ANKS1A: variants seen among roughly 807,000 people sequenced by gnomAD.
The protein encoded by ANKS1A is ankyrin repeat and sterile alpha motif domain containing 1A.
ANKS1A carries 55 observed loss-of-function variants against 120.3 expected under a neutral mutation model. That is an observed-to-expected ratio of 0.46 (90% CI 0.37 to 0.57). The LOEUF (loss-of-function observed/expected upper bound fraction) is 0.57. Ranked by LOEUF, ANKS1A falls within the 20% of genes least tolerant of loss-of-function variation. The pLI is 0.00. For missense variants in ANKS1A, 1,123 were observed against 1,480.3 expected (o/e 0.76, Z 3.96); for synonymous variants, 590 against 604.7 (o/e 0.98, Z 0.36).
At chr6:34,897,921 A>G (rs894939409) in intron 1 of ANKS1A, among the ~76,000 whole-genome samples, 5 of 152,210 alleles carry the variant, frequency 3.3e-5, no homozygotes, top group East Asian at 1.9e-4. Flanking sequence ...TATGGTGGCT[A>G]AGGATCAGGT....
intron 1 of ANKS1A, among the ~76,000 whole-genome samples, chr6:34,918,250 G>A (rs1768268508): frequency 6.6e-6 from 1 of 152,196 alleles, no homozygotes; most frequent in Non-Finnish European, 1.5e-5. Context: ...AGTCGTGTGT[G>A]TAGTGGTTCG....
At chr6:34,980,207 G>A (rs559485032) in intron 3 of ANKS1A, among the ~76,000 whole-genome samples, 7 of 152,378 alleles carry the variant, frequency 4.6e-5, no homozygotes, top group East Asian at 1.9e-4. Context: ...TCTGGCCAGC[G>A]AAGGCTGTTG....
intron 1 of ANKS1A, among the ~76,000 whole-genome samples, chr6:34,931,847 A>G (rs9394259): frequency 0.088 from 13,366 of 152,338 alleles, 766 homozygotes; most frequent in East Asian, 0.34. Flanking sequence ...GAGAGCTAAA[A>G]GGCAGGAAAG....
intron 1 of ANKS1A, among the ~76,000 whole-genome samples, chr6:34,892,829 T>C (rs1223297199): frequency 6.6e-6 from 1 of 152,228 alleles, no homozygotes; most frequent in African/African-American, 2.4e-5. Flanking sequence ...TGTTTACATA[T>C]AGCAACCCTC....
At chr6:35,001,895 ATC>A (rs1209459518) in intron 10 of ANKS1A, among the ~76,000 whole-genome samples, 1 of 152,210 alleles carries the variant, frequency 6.6e-6, no homozygotes, top group East Asian at 1.9e-4. Flanking sequence ...CCAGTGGCCT[ATC>A]TCTCAAAAGA....
rs191459745 is a variant in ANKS1A, at chr6:34,931,368, G to A, written c.198-35871G>A. ...TCACTATGTTGGCCAGGCTGATCTC[G>A]AACTCCTGACCTCAGGTGATCCACC... On this transcript the variant is annotated intron_variant, in intron 1 of 23. Transcript: ENST00000360359. 3.1e-4 allele frequency among the ~76,000 whole-genome samples: 47 copies of A among 152,096 alleles called. No individual in the cohort carries two copies. In the East Asian group the frequency reaches 7.5e-3, roughly 24 times the overall value.
intron 10 of ANKS1A, among the ~76,000 whole-genome samples, chr6:35,006,446 C>T (rs1773461657): frequency 6.6e-6 from 1 of 152,008 alleles, no homozygotes. Context: ...AATTATTCCT[C>T]ATTGTATGCT....
chr6:35,049,690 C>A (rs962858801), intron 11 of ANKS1A, among the ~76,000 whole-genome samples: 1 of 152,208 alleles, frequency 6.6e-6, no homozygotes. Flanking sequence ...ATAGAAACTT[C>A]TCTCGTGCTC....
In ANKS1A at chr6:34,981,723, G is replaced by A; in HGVS notation, c.469G>A (p.Ala157Thr). The A allele has an allele frequency of 1.2e-6, 2 of 1,614,200 alleles. No individual in the cohort carries two copies. Among genetic ancestry groups the A allele is most frequent in the Non-Finnish European group, 1.7e-6 (2 of 1,180,038 alleles). ...CAACGAGACAGCCCTGCATTGTGCA[G>A]CGCAGTATGGCCACACAGAGGTGGT... ...NDNETALHCA[A>T]QYGHTEVVKV... is the part of the protein sequence containing the mutation. Residue 157 changes from alanine to threonine, a missense_variant, in exon 4 of 24, where the codon GCG (alanine) becomes ACG (threonine). Physicochemically the swap from Ala to Thr is moderately conservative, Grantham distance 58. This residue lies in a region of ANKS1A where 146 missense variants were observed against 267.8 expected (regional missense o/e 0.55). Coordinates refer to ENST00000360359, the MANE Select transcript of ANKS1A (RefSeq NM_015245.3).
chr6:35,058,102 T>G lies in ANKS1A; in HGVS notation c.2078-2045T>G, dbSNP rs1221236547. Reference sequence around the variant, plus strand: ...CCTCAGCAGCCACAGCAGCAGTTGCTTCTGCTCCGATGTGATGTCCGATCC... The same window carrying G: ...CCTCAGCAGCCACAGCAGCAGTTGCGTCTGCTCCGATGTGATGTCCGATCC... On this transcript the variant is annotated intron_variant, in intron 12 of 23. Coordinates refer to ENST00000360359, the MANE Select transcript of ANKS1A (RefSeq NM_015245.3). This position sits in a 1 kb window ranked among gnomAD's most constrained non-coding sequence, Gnocchi z 5.1. 6.6e-6 allele frequency: 1 copy of G among 152,366 alleles called. No homozygotes were observed. Among genetic ancestry groups the G allele is most frequent in the Non-Finnish European group, 1.5e-5 (1 of 68,080 alleles). The allele number at this position is 152,366 out of a possible 1,614,324, so 9.4% of individuals were successfully genotyped here. A position where few individuals can be genotyped will look rare whatever the true frequency, so the allele number is the denominator to read the frequency against.
intron 1 of ANKS1A, among the ~76,000 whole-genome samples, 153 bp from the exon 2 acceptor site, chr6:34,967,086 T>C (rs747155517): frequency 3.9e-5 from 6 of 152,242 alleles, no homozygotes; most frequent in South Asian, 2.1e-4. Flanking sequence ...CTGCAGTGTA[T>C]AGCTGCTGTG....
chr6:35,092,288 C>A (rs781732005), downstream of ANKS1A, among the ~76,000 whole-genome samples: 2 of 152,096 alleles, frequency 1.3e-5, no homozygotes, highest in Non-Finnish European at 2.9e-5. Context: ...TGGACGCTTC[C>A]GTTTCTTAAA....
Position 34,970,054 on chromosome 6 carries a change from T to C in ANKS1A, c.323T>C (p.Val108Ala), listed in dbSNP as rs1380413445. 6.2e-7 allele frequency: 1 copy of C among 1,614,034 alleles called. No individual in the cohort carries two copies. Residue 108 changes from valine (V) to alanine (A), a missense_variant, in exon 3 of 24, where the codon GTG (valine) becomes GCG (alanine). By Grantham distance (64) the Val-to-Ala change is moderately conservative (BLOSUM62 0). Transcript: ENST00000360359. ...VLLRNDALTNVADSKGCYPLH... is the reference protein window; with the variant it reads ...VLLRNDALTNAADSKGCYPLH... ...CTGAGGAACGATGCGCTGACCAACG[T>C]GGCTGACTCAAAAGGCTGCTACCCT...
rs1775912177 is a variant in ANKS1A, at chr6:35,050,429, A to G, written c.2011-3670A>G. Among the ~76,000 whole-genome samples, 1 of 152,224 alleles carries G rather than the reference A, an allele frequency of 6.6e-6. No homozygotes were observed. Among genetic ancestry groups the G allele is most frequent in the African/African-American group, 2.4e-5 (1 of 41,466 alleles). On this transcript the variant is annotated intron_variant, in intron 11 of 23. Transcript: ENST00000360359. The surrounding 1 kb of genome is among the most constrained non-coding windows in gnomAD (Gnocchi z 4.3). Reference sequence around the variant, plus strand: ...CAAAACCACAGAAAAAGAGGAGAACACTAAATGGTGCCCGTCCATTACACT... The same window carrying G: ...CAAAACCACAGAAAAAGAGGAGAACGCTAAATGGTGCCCGTCCATTACACT...
intron 1 of ANKS1A, among the ~76,000 whole-genome samples, chr6:34,927,001 G>A (rs1389006956): frequency 6.6e-6 from 1 of 152,038 alleles, no homozygotes; most frequent in Non-Finnish European, 1.5e-5. Flanking sequence ...TGTGACCTTG[G>A]GCCAGTTAAC....
intron 1 of ANKS1A, among the ~76,000 whole-genome samples, chr6:34,928,739 G>A (rs557828559): frequency 6.6e-6 from 1 of 152,326 alleles, no homozygotes; most frequent in Admixed American, 6.5e-5. Context: ...TTGAATCCTG[G>A]CAGGGGATTC....
chr6:34,923,120 G>C lies in ANKS1A; in HGVS notation c.197+33521G>C, dbSNP rs9296140. ...TGGTGAGAGGAAAGGTTGCCCAACC[G>C]TACTGAGGGCTTCAGAGATCAAGGA... On this transcript the variant is annotated intron_variant, in intron 1 of 23. Coordinates refer to ENST00000360359, the MANE Select transcript of ANKS1A (RefSeq NM_015245.3). Among the ~76,000 whole-genome samples, 79 of 152,234 alleles carry C rather than the reference G, an allele frequency of 5.2e-4. No homozygotes were observed. The South Asian group carries it at 5.6e-3, about 11-fold the overall frequency.
At chr6:34,985,718 GATTCTCC>G (rs1772160967) in intron 8 of ANKS1A, among the ~76,000 whole-genome samples, 1 of 152,174 alleles carries the variant, frequency 6.6e-6, no homozygotes, top group Admixed American at 6.5e-5. Flanking sequence ...GCCCTGAAAG[GATTCTCC>G]ATTTGGATTT....
chr6:35,043,851 C>T (rs1019873026), intron 11 of ANKS1A, among the ~76,000 whole-genome samples: 1 of 152,100 alleles, frequency 6.6e-6, no homozygotes, highest in African/African-American at 2.4e-5. Flanking sequence ...CAGTTTGTTT[C>T]TTAAAAGTAA....
Sources: allele counts gnomAD v4.1 joint callset (sites outside exome capture counted in the v4.1 genomes callset), GRCh38; gene constraint gnomAD v4.1.1; regional missense constraint gnomAD v4.1.1; non-coding constraint Gnocchi (gnomAD v3.1); transcripts MANE v1.5; gene names NCBI Gene and HGNC (gene_info 2026-07-23, HGNC 2026-07-21).